Variants in ADAMTS7 observed in about 807,000 individuals in gnomAD.
ADAMTS7 encodes the protein A disintegrin and metalloproteinase with thrombospondin motifs 7.
Under a neutral mutation model 172.6 loss-of-function variants are expected in ADAMTS7, and 89 were observed. The observed-to-expected ratio is 0.52, with a 90% CI of 0.43 to 0.61. The LOEUF is 0.61. Among genes scored for constraint, ADAMTS7 ranks in the 20% least tolerant of loss-of-function variants. The pLI is 0.00. For synonymous variants in ADAMTS7, 885 were observed against 978.4 expected (o/e 0.90, Z 1.78); for missense variants, 1,973 against 2,355.6 (o/e 0.84, Z 3.36).
At position 78,777,483 on chromosome 15, in the gene ADAMTS7, G is replaced by C; in HGVS notation, c.1428C>G (p.Leu476=). The C allele has an allele frequency of 2.5e-6, 4 of 1,613,036 alleles. No individual in the cohort carries two copies. The highest frequency in any genetic ancestry group is 3.4e-6 in the Non-Finnish European group (4 of 1,179,618). Residue 476 remains leucine (L), a synonymous_variant, in exon 9 of 24, where the codon CTC becomes CTG. Transcript: ENST00000388820. ...AGAAGGCAGAGTAGGCCCCGTACTG[G>C]AGGCGGCACTGGTGGCTTACATCAT... The part of the protein sequence containing the change: ...VLYDVSHQCR[L]QYGAYSAFCE...
Position 78,771,964 on chromosome 15 carries a change from G to T in ADAMTS7, c.2132-135C>A. The T allele has an allele frequency of 3.0e-6, 4 of 1,335,818 alleles. No individual in the cohort carries two copies. The highest frequency in any genetic ancestry group is 4.0e-6 in the Non-Finnish European group (4 of 995,436). 82.7% of individuals were successfully genotyped at this position (1,335,818 alleles called of 1,614,324 possible). ...CTTTAAAGTCTGAGCTCCCTAAATT[G>T]CTCGGATCTGTCATGGGTCACCAAA... On this transcript the variant is annotated intron_variant, in intron 14 of 23. Transcript: ENST00000388820. The surrounding 1 kb of genome is among the most constrained non-coding windows in gnomAD (Gnocchi z 4.9).
chr15:78,800,441 C>G lies in ADAMTS7; in HGVS notation c.207G>C (p.Lys69Asn). ...SYELWPRALR[K>N]RDVSVRRDAP... ...CGTCTCGGCGCACAGATACATCCCG[C>G]TTGCGCAGTGCGCGGGGCCACAGCT... The change falls in exon 2 of 24, where the codon AAG (lysine) becomes AAC (asparagine). Residue 69 changes from lysine (K) to asparagine (N), a missense_variant. Coordinates refer to ENST00000388820, the MANE Select transcript of ADAMTS7 (RefSeq NM_014272.5). 7 of 1,611,022 alleles carry G rather than the reference C, an allele frequency of 4.3e-6. No individual in the cohort carries two copies. The highest frequency in any genetic ancestry group is 5.9e-6 in the Non-Finnish European group (7 of 1,179,036).
chr15:78,788,264 CG>C lies in ADAMTS7; in HGVS notation c.1288del (p.Arg430AlafsTer41). 6.2e-7 allele frequency: 1 copy of C among 1,613,750 alleles called. No individual in the cohort carries two copies. The highest frequency in any genetic ancestry group is 8.5e-7 in the Non-Finnish European group (1 of 1,180,000). On this transcript the variant is annotated frameshift_variant, in exon 8 of 24. Transcript: ENST00000388820. LOFTEE classifies it high-confidence loss of function. ...LYDAAPLTWS[R>X]CSRQYITRFL... ...CCTGGTGATATACTGGCGGCTGCAG[CG>C]GGACCAGGTGAGGGGAGCGGCGTCG...
intron 19 of ADAMTS7, among the ~76,000 whole-genome samples, chr15:78,765,361 CTG>C (rs2055121646): frequency 6.6e-6 from 1 of 152,278 alleles, no homozygotes; most frequent in Non-Finnish European, 1.5e-5. Flanking sequence ...AGGACTGGGC[CTG>C]GCGGCCATGC....
In ADAMTS7 at chr15:78,765,704, G is replaced by T. The variant is rs1421391038; in HGVS notation, c.4207C>A (p.Pro1403Thr). Residue 1403 changes from proline (P) to threonine (T), a missense_variant, in exon 19 of 24, where the codon CCC becomes ACC. Pro to Thr is a conservative substitution (Grantham distance 38). This residue lies in a region of ADAMTS7 where 771 missense variants were observed against 952.6 expected (regional missense o/e 0.81). Coordinates refer to ENST00000388820, the MANE Select transcript of ADAMTS7 (RefSeq NM_014272.5). The stretch of plus-strand genomic sequence containing the variant: ...CTGACAACCAACGGGTCCGCGGGGG[G>T]CCCCGCTTCAGCCAGGCTGGGAGCC... Reference protein sequence around the residue: ...PLAPSLAEAGPPADPLVVRNA... With the variant: ...PLAPSLAEAGTPADPLVVRNA... 2 of 1,610,556 alleles carry T rather than the reference G, an allele frequency of 1.2e-6. No homozygotes were observed. Among genetic ancestry groups the T allele is most frequent in the Non-Finnish European group, 1.7e-6 (2 of 1,179,740 alleles).
Position 78,797,964 on chromosome 15 carries a change from G to A in ADAMTS7, c.606C>T (p.Ser202=), listed in dbSNP as rs2055668259. The change falls in exon 3 of 24, where the codon AGC becomes AGT. Residue 202 remains serine, a synonymous_variant. Coordinates refer to ENST00000388820, the MANE Select transcript of ADAMTS7 (RefSeq NM_014272.5). ...AGAGCATACCTTGCACTCCACAGGT[G>A]CTTGGAGCACTGGAATCACCCCGCT... ...LAQRGDSSAP[S]TCGVQVYPEL... is the part of the protein sequence containing the mutation. 6.2e-7 allele frequency: 1 copy of A among 1,600,746 alleles called. No individual in the cohort carries two copies. Among genetic ancestry groups the A allele is most frequent in the African/African-American group, 1.4e-5 (1 of 73,926 alleles).
chr15:78,787,859 C>T (rs574550420), intron 8 of ADAMTS7, among the ~76,000 whole-genome samples: 3 of 152,260 alleles, frequency 2.0e-5, no homozygotes, highest in East Asian at 1.9e-4. Flanking sequence ...CTCAGGGTTC[C>T]GCCGTTCCCT....
chr15:78,803,861 A>G (rs1379220043), intron 1 of ADAMTS7, among the ~76,000 whole-genome samples: 4 of 152,264 alleles, frequency 2.6e-5, no homozygotes, highest in African/African-American at 9.6e-5. Flanking sequence ...TAACAAAACC[A>G]CAGGTGCTGC....
At chr15:78,801,503 A>G (rs1379706868) in intron 1 of ADAMTS7, among the ~76,000 whole-genome samples, 1 of 151,894 alleles carries the variant, frequency 6.6e-6, no homozygotes. Flanking sequence ...TCCTCTAACG[A>G]CTTTATTTTA....
chr15:78,805,732 G>T (rs2055779192), intron 1 of ADAMTS7, among the ~76,000 whole-genome samples: 1 of 152,074 alleles, frequency 6.6e-6, no homozygotes, highest in Admixed American at 6.6e-5. Context: ...AACTGTGAGG[G>T]GGCACTAGGT....
In ADAMTS7 at chr15:78,771,707, C is replaced by T. The variant is rs1419507356; in HGVS notation, c.2254G>A (p.Gly752Ser). Reference protein sequence around the residue: ...EDPEKYFLNGGWTIQWNGDYQ... With the variant: ...EDPEKYFLNGSWTIQWNGDYQ... ...TCCCCGTTCCACTGGATGGTCCAGC[C>T]ACCATTGAGGAAGTACTTCTCCGGG... The change falls in exon 15 of 24, where the codon GGC becomes AGC. Residue 752 changes from glycine (G) to serine (S), a missense_variant. This residue lies in a region of ADAMTS7 where 771 missense variants were observed against 952.6 expected (regional missense o/e 0.81). Coordinates refer to ENST00000388820, the MANE Select transcript of ADAMTS7 (RefSeq NM_014272.5). The surrounding 1 kb of genome is among the most constrained non-coding windows in gnomAD (Gnocchi z 4.9). 1 of 1,607,878 alleles carries T rather than the reference C, an allele frequency of 6.2e-7. No homozygotes were observed. The highest frequency in any genetic ancestry group is 8.5e-7 in the Non-Finnish European group (1 of 1,179,992).
At chr15:78,780,732 C>A (rs184451644) in intron 8 of ADAMTS7, among the ~76,000 whole-genome samples, 3 of 152,200 alleles carry the variant, frequency 2.0e-5, no homozygotes, top group African/African-American at 7.2e-5. Flanking sequence ...CGCATGGCCC[C>A]GGCCTCTGCC....
chr15:78,793,789 A>T (rs183718849), intron 4 of ADAMTS7, among the ~76,000 whole-genome samples: 164 of 152,098 alleles, frequency 1.1e-3, no homozygotes, highest in African/African-American at 3.4e-3. Flanking sequence ...CTTCTGGCCC[A>T]CCCCGGCCAC....
intron 18 of ADAMTS7, 59 bp downstream of exon 18, chr15:78,767,320 C>G (rs916851087): frequency 8.2e-6 from 13 of 1,587,426 alleles, no homozygotes; most frequent in South Asian, 1.1e-5. Context: ...TGTCTGCCTC[C>G]CTGTAGCTGA....
At position 78,791,118 on chromosome 15, in the gene ADAMTS7, GTGGGACCACA is replaced by G; in HGVS notation, c.903+12_903+21del. Reference sequence around the variant, plus strand: ...GCAGCCGAAGCCATTGCCGGGCAGCGTGGGACCACATGACCACTCACCTCCTCATCTTCCA... The same window carrying G: ...GCAGCCGAAGCCATTGCCGGGCAGCGTGACCACTCACCTCCTCATCTTCCA... On this transcript the variant is annotated intron_variant, in intron 5 of 23. Coordinates refer to ENST00000388820, the MANE Select transcript of ADAMTS7 (RefSeq NM_014272.5). 1 of 1,608,774 alleles carries G rather than the reference GTGGGACCACA, an allele frequency of 6.2e-7. No individual in the cohort carries two copies. The highest frequency in any genetic ancestry group is 8.5e-7 in the Non-Finnish European group (1 of 1,176,946).
rs1375122348 is a variant in ADAMTS7, at chr15:78,774,397, G to A, written c.1877-97C>T. The A allele has an allele frequency of 8.3e-6, 12 of 1,448,580 alleles. 1 individual carries two copies. Among genetic ancestry groups the A allele is most frequent in the East Asian group, 2.5e-5 (1 of 40,438 alleles). 89.7% of individuals were successfully genotyped at this position (1,448,580 alleles called of 1,614,324 possible). Reference sequence around the variant, plus strand: ...CCGTGACACACATCCATGGCAGGCTGGAGGCTCCCAAGCAGCACCAACATG... The same window carrying A: ...CCGTGACACACATCCATGGCAGGCTAGAGGCTCCCAAGCAGCACCAACATG... On this transcript the variant is annotated intron_variant, in intron 12 of 23. Transcript: ENST00000388820.
intron 1 of ADAMTS7, among the ~76,000 whole-genome samples, chr15:78,808,726 G>C (rs372862208): frequency 6.6e-6 from 1 of 152,130 alleles, no homozygotes; most frequent in African/African-American, 2.4e-5. Flanking sequence ...AGTCTCGACC[G>C]GTTATGTGCT....
Position 78,811,108 on chromosome 15 carries a change from G to A in ADAMTS7, c.100+13C>T, listed in dbSNP as rs1271484611. On this transcript the variant is annotated intron_variant, in intron 1 of 23. Transcript: ENST00000388820. The stretch of plus-strand genomic sequence containing the variant: ...TGGCAGGCCCGGCTGGCCGGGGAGG[G>A]GCGGACACCCACCTGGTGCGGGTCC... 1.6e-5 allele frequency: 20 copies of A among 1,230,102 alleles called. No individual in the cohort carries two copies. The highest frequency in any genetic ancestry group is 2.0e-5 in the Non-Finnish European group (20 of 986,888). The allele number at this position is 1,230,102 out of a possible 1,614,324, so 76.2% of individuals were successfully genotyped here.
At chr15:78,782,865 T>G (rs61613830) in intron 8 of ADAMTS7, among the ~76,000 whole-genome samples, 4 of 143,570 alleles carry the variant, frequency 2.8e-5, no homozygotes, top group Admixed American at 1.4e-4. Context: ...AGCCAAGTGA[T>G]GGCCACCTGC....
Sources: allele counts gnomAD v4.1 joint callset (sites outside exome capture counted in the v4.1 genomes callset), GRCh38; gene constraint gnomAD v4.1.1; regional missense constraint gnomAD v4.1.1; non-coding constraint Gnocchi (gnomAD v3.1); transcripts MANE v1.5; gene names NCBI Gene and HGNC (gene_info 2026-07-23, HGNC 2026-07-21).